Variants in INSIG2 observed in about 807,000 individuals in gnomAD.
INSIG2 encodes the protein insulin induced gene 2.
INSIG2 carries 10 observed loss-of-function variants against 27.2 expected under a neutral mutation model. The observed-to-expected ratio is 0.37, with a 90% CI of 0.23 to 0.62. The LOEUF (loss-of-function observed/expected upper bound fraction) is 0.62. Among genes scored for constraint, INSIG2 ranks in the 20% least tolerant of loss-of-function variants. The pLI, the probability that INSIG2 is intolerant of heterozygous loss-of-function variation, is 0.65. For missense variants in INSIG2, 178 were observed against 270.2 expected, an observed-to-expected ratio of 0.66 and a Z score of 2.39; for synonymous variants, 97 against 95.8, an observed-to-expected ratio of 1.01 and a Z score of -0.07.
At chr2:118,095,403 A>G (rs1287450977) in intron 1 of INSIG2, among the ~76,000 whole-genome samples, 1 of 152,192 alleles carries the variant, frequency 6.6e-6, no homozygotes, top group Non-Finnish European at 1.5e-5. Context: ...CTTACTGGAG[A>G]TGTGAACTAG....
intron 1 of INSIG2, among the ~76,000 whole-genome samples, chr2:118,093,767 C>A (rs1283398483): frequency 7.7e-6 from 1 of 129,326 alleles, no homozygotes; most frequent in Admixed American, 8.1e-5. Flanking sequence ...AGCTACTGAA[C>A]CTTGCCAAAA....
At chr2:118,090,182 TTAACTTTATTATTTA>T (rs1321477374) in intron 1 of INSIG2, among the ~76,000 whole-genome samples, 1 of 152,218 alleles carries the variant, frequency 6.6e-6, no homozygotes, top group African/African-American at 2.4e-5. Flanking sequence ...AGGTAGTAAT[TTAACTTTATTATTTA>T]GTAGCTTACG....
rs186308823 is a variant in INSIG2 at position 118,105,397 on chromosome 2, C to T, written c.370-1340C>T. The stretch of plus-strand genomic sequence containing the variant: ...ATTTACGCTGGAAGCCTCCTTACTT[C>T]GCTGTGACTTTTAATTAAGTTTAGT... On this transcript the variant is annotated intron_variant, in intron 3 of 5. Transcript: ENST00000245787. Among the ~76,000 whole-genome samples, 9 of 152,246 alleles carry T rather than the reference C, an allele frequency of 5.9e-5. No homozygotes were observed. In the East Asian group the frequency reaches 9.6e-4, roughly 16 times the overall value.
intron 3 of INSIG2, among the ~76,000 whole-genome samples, chr2:118,106,162 A>T (rs2104539648): frequency 1.3e-5 from 2 of 152,346 alleles, no homozygotes; most frequent in Middle Eastern, 6.8e-3. Flanking sequence ...AGTTGACATA[A>T]TAGAAAGGGA....
At chr2:118,100,479 A>G (rs1678516437) in intron 2 of INSIG2, among the ~76,000 whole-genome samples, 1 of 146,630 alleles carries the variant, frequency 6.8e-6, no homozygotes, top group Non-Finnish European at 1.5e-5. Context: ...CCCAGCTTCA[A>G]GCGATTCTCC....
chr2:118,100,979 A>G (rs1169016951), intron 2 of INSIG2, among the ~76,000 whole-genome samples: 3 of 152,220 alleles, frequency 2.0e-5, no homozygotes, highest in Non-Finnish European at 2.9e-5. Context: ...ACTTAAAGGT[A>G]TCACAAGAAA....
intron 1 of INSIG2, among the ~76,000 whole-genome samples, chr2:118,092,139 C>T (rs909523226): frequency 6.6e-6 from 1 of 152,174 alleles, no homozygotes; most frequent in Admixed American, 6.5e-5. Context: ...TCCATTAATT[C>T]CCTTTTGGAA....
At chr2:118,094,095 TGATGATGATGAGGAGGAGGAGGAGGAGGA>T (rs1678345466) in intron 1 of INSIG2, among the ~76,000 whole-genome samples, 1 of 73,746 alleles carries the variant, frequency 1.4e-5, no homozygotes, top group African/African-American at 5.0e-5. Context: ...AACCAGATGA[TGATGATGATGAGGAGGAGGAGGAGGAGGA>T]GGAGAGTTCT....
intron 2 of INSIG2, among the ~76,000 whole-genome samples, chr2:118,098,380 T>C (rs1678461353): frequency 6.6e-6 from 1 of 152,200 alleles, no homozygotes. Context: ...ATGTTTGGCA[T>C]TGTGCCTGTT....
intron 2 of INSIG2, 45 bp from the exon 3 acceptor site, chr2:118,103,152 G>C (rs780533687): frequency 6.3e-7 from 1 of 1,575,772 alleles, no homozygotes; most frequent in South Asian, 1.1e-5. Flanking sequence ...AGTGTTGCCA[G>C]TACAACATTG....
At chr2:118,103,346 G>A (rs779107507) in intron 3 of INSIG2, 25 bp downstream of exon 3, 1 of 1,581,446 alleles carries the variant, frequency 6.3e-7, no homozygotes, top group Non-Finnish European at 8.6e-7. Flanking sequence ...GTAATGAAAT[G>A]CATAATAACA....
rs1026522795 is a variant in INSIG2, at chr2:118,108,461, A to AAT, written c.*149_*150dup. 35 of 578,634 alleles carry AAT rather than the reference A, an allele frequency of 6.0e-5. No homozygotes were observed. Among genetic ancestry groups the AAT allele is most frequent in the Admixed American group, 4.4e-4 (12 of 27,460 alleles). The allele number at this position is 578,634 out of a possible 1,614,324, so 35.8% of individuals were successfully genotyped here. A position where few individuals can be genotyped will look rare whatever the true frequency, so the allele number is the denominator to read the frequency against. On this transcript the variant is annotated 3_prime_UTR_variant, in exon 6 of 6. Transcript: ENST00000245787. ...ATTGGCGTGTGTGTATATATGGATAAATATATATATACACACACACATATT... is the reference window on the plus strand; with the variant it reads ...ATTGGCGTGTGTGTATATATGGATAAATATATATATATACACACACACATATT...
At chr2:118,101,248 C>T (rs550870524) in intron 2 of INSIG2, among the ~76,000 whole-genome samples, 17 of 152,248 alleles carry the variant, frequency 1.1e-4, no homozygotes, top group East Asian at 3.9e-4. Context: ...CAAGCTTCTT[C>T]GAATTCTCCC....
intron 2 of INSIG2, among the ~76,000 whole-genome samples, chr2:118,099,751 TAG>T (rs781643634): frequency 1.3e-5 from 2 of 152,228 alleles, no homozygotes; most frequent in Admixed American, 6.5e-5. Flanking sequence ...CCTATTCCTG[TAG>T]AGCCTTGTAA....
intron 2 of INSIG2, among the ~76,000 whole-genome samples, chr2:118,098,595 T>G (rs966822619): frequency 6.6e-6 from 1 of 152,188 alleles, no homozygotes; most frequent in Admixed American, 6.5e-5. Context: ...CCCTGGCGTG[T>G]GTTGTGCATT....
chr2:118,093,863 T>G (rs200509699), intron 1 of INSIG2, among the ~76,000 whole-genome samples: 9,252 of 41,842 alleles, frequency 0.22, 798 homozygotes, highest in East Asian at 0.41. Flanking sequence ...ATGATGATGA[T>G]GAGGAGGAGG....
At position 118,108,481 on chromosome 2, in the gene INSIG2, C is replaced by T. The variant is rs1678732234; in HGVS notation, c.*159C>T. ...GGATAAATATATATATACACACACA[C>T]ATATTACTGCAATCTGTGATTGCTT... On this transcript the variant is annotated 3_prime_UTR_variant, in exon 6 of 6. Coordinates refer to ENST00000245787, the MANE Select transcript of INSIG2 (RefSeq NM_016133.4). 4.0e-6 allele frequency: 2 copies of T among 499,014 alleles called. No individual in the cohort carries two copies. Among genetic ancestry groups the T allele is most frequent in the Non-Finnish European group, 7.2e-6 (2 of 277,550 alleles). The allele number at this position is 499,014 out of a possible 1,614,324, so 30.9% of individuals were successfully genotyped here. A position where few individuals can be genotyped will look rare whatever the true frequency, so the allele number is the denominator to read the frequency against.
chr2:118,106,547 T>C (rs1295466330), intron 3 of INSIG2, 190 bp from the exon 4 acceptor site: 13 of 521,166 alleles, frequency 2.5e-5, no homozygotes, highest in Admixed American at 1.7e-4. Context: ...CTTTTGTGTA[T>C]CTGGTATTGG....
chr2:118,107,828 T>G (rs1678711448), intron 5 of INSIG2, among the ~76,000 whole-genome samples: 1 of 152,220 alleles, frequency 6.6e-6, no homozygotes, highest in Non-Finnish European at 1.5e-5. Context: ...TGGAAGCTTT[T>G]GTTAATGTAA....
Sources: gnomAD v4.1 joint callset for allele counts (sites outside exome capture counted in the v4.1 genomes callset) on GRCh38, gnomAD v4.1.1 for gene constraint, MANE v1.5 for transcripts, NCBI Gene and HGNC (gene_info 2026-07-23, HGNC 2026-07-21) for gene names.